Variants in FHIP2B observed in about 807,000 individuals in gnomAD.
The protein encoded by FHIP2B is FHF complex subunit HOOK interacting protein 2B, also known as FHF complex subunit HOOK-interacting protein 2B.
In FHIP2B, 72 loss-of-function variants were observed where a neutral mutation model predicts 84.0. That is an observed-to-expected ratio of 0.86 (90% confidence interval 0.71 to 1.04). The LOEUF (loss-of-function observed/expected upper bound fraction) is 1.04, where lower values mean the gene tolerates loss of function less well. Ranked by LOEUF, FHIP2B falls within the 50% of genes least tolerant of loss-of-function variation. The pLI is 0.00. For synonymous variants in FHIP2B, 497 were observed against 418.7 expected (o/e 1.19, Z -2.28); for missense variants, 972 against 968.9 (o/e 1.00, Z -0.04).
At chr8:22,097,938 G>C (rs1586330760) in intron 5 of FHIP2B, 99 bp downstream of exon 5, 1 of 1,556,884 alleles carries the variant, frequency 6.4e-7, no homozygotes, top group South Asian at 1.2e-5. Context: ...TCAGGTACCC[G>C]GGAGGCACGC....
intron 1 of FHIP2B, among the ~76,000 whole-genome samples, chr8:22,090,597 C>T (rs555456717): frequency 6.6e-6 from 1 of 152,180 alleles, no homozygotes; most frequent in African/African-American, 2.4e-5. Context: ...CCAGACAGTT[C>T]CTCAGTCCTG....
At chr8:22,093,248 G>C (rs62493996) in intron 1 of FHIP2B, among the ~76,000 whole-genome samples, 8,990 of 152,330 alleles carry the variant, frequency 0.059, 349 homozygotes, top group Middle Eastern at 0.12. Flanking sequence ...ATGCACAGCT[G>C]TGGGGAGGGA....
rs778140703 is a variant in FHIP2B at position 22,100,575 on chromosome 8, G to C, written c.1342-19G>C. 4 of 1,520,138 alleles carry C rather than the reference G, an allele frequency of 2.6e-6. No homozygotes were observed. The African/African-American group carries it at 4.2e-5, about 16-fold the overall frequency. The allele number at this position is 1,520,138 out of a possible 1,614,324, so 94.2% of individuals were successfully genotyped here. ...TGGGTGGGGAAGGGGCTATCCTGCC[G>C]ACCCCCTTCCTGCTCCAGATCAGCA... is the stretch of plus-strand genomic sequence containing the variant. On this transcript the variant is annotated intron_variant, in intron 10 of 16. Transcript: ENST00000289921.
chr8:22,092,349 G>A (rs1164593404), intron 1 of FHIP2B, among the ~76,000 whole-genome samples: 1 of 152,228 alleles, frequency 6.6e-6, no homozygotes, highest in African/African-American at 2.4e-5. Context: ...GGAGGCCCAG[G>A]TGGGCGGACC....
At position 22,099,757 on chromosome 8, in the gene FHIP2B, A is replaced by G; in HGVS notation, c.1205A>G (p.Gln402Arg). 1 of 1,608,016 alleles carries G rather than the reference A, an allele frequency of 6.2e-7. No individual in the cohort carries two copies. Among genetic ancestry groups the G allele is most frequent in the Non-Finnish European group, 8.5e-7 (1 of 1,178,708 alleles). Reference sequence around the variant, plus strand: ...GCCCTCCTCACAGCCATGCTGCGCCAGCTTCGCTCCCCTGCGCTGCTGCGG... The same window carrying G: ...GCCCTCCTCACAGCCATGCTGCGCCGGCTTCGCTCCCCTGCGCTGCTGCGG... ...STALLTAMLR[Q>R]LRSPALLREA... The change falls in exon 10 of 17, where the codon CAG (glutamine) becomes CGG (arginine). Residue 402 changes from glutamine (Q) to arginine (R), a missense_variant. By Grantham distance (43) the Gln-to-Arg change is conservative. Transcript: ENST00000289921.
chr8:22,099,651 C>G (rs1050033862), intron 9 of FHIP2B, 53 bp from the exon 10 acceptor site: 3 of 1,514,102 alleles, frequency 2.0e-6, no homozygotes, highest in Non-Finnish European at 2.6e-6. Context: ...GCCACCCGCA[C>G]TCATGTGCTG....
At chr8:22,093,008 G>T (rs1025455194) in intron 1 of FHIP2B, among the ~76,000 whole-genome samples, 2 of 152,158 alleles carry the variant, frequency 1.3e-5, no homozygotes, top group African/African-American at 4.8e-5. Context: ...ATAGTGTCTT[G>T]TACATAGTGG....
chr8:22,096,293 G>A, intron 2 of FHIP2B, 44 bp from the exon 3 acceptor site: 1 of 1,463,652 alleles, frequency 6.8e-7, no homozygotes, highest in South Asian at 1.4e-5. Flanking sequence ...AAGCCGGGGT[G>A]CCCCTCTTTA....
chr8:22,097,880 A>C, intron 5 of FHIP2B, 41 bp downstream of exon 5: 1 of 1,599,724 alleles, frequency 6.3e-7, no homozygotes. Flanking sequence ...AGGGCCCAGA[A>C]CCCCAGGGCA....
intron 1 of FHIP2B, chr8:22,089,943 C>A: frequency 1.1e-6 from 1 of 903,250 alleles, no homozygotes; most frequent in Non-Finnish European, 1.5e-6. Flanking sequence ...TGTGACCCCT[C>A]ACAAGCCAAA....
At position 22,096,799 on chromosome 8, in the gene FHIP2B, A is replaced by G. The variant is rs376596416; in HGVS notation, c.297+290A>G. The G allele has an allele frequency of 5.1e-5, 16 of 313,514 alleles. No homozygotes were observed. In the East Asian group the frequency reaches 7.4e-4, roughly 15 times the overall value. The allele number at this position is 313,514 out of a possible 1,614,324, so 19.4% of individuals were successfully genotyped here. A position where few individuals can be genotyped will look rare whatever the true frequency, so the allele number is the denominator to read the frequency against. ...CTCACTTAGAACACTCCACCATCCC[A>G]GCGCTCCTGTTCCCAGTTCACTCCA... On this transcript the variant is annotated intron_variant, in intron 3 of 16. Coordinates refer to ENST00000289921, the MANE Select transcript of FHIP2B (RefSeq NM_022749.7).
rs780699373 is a variant in FHIP2B, at chr8:22,100,664, T to C, written c.1412T>C (p.Leu471Pro). 1 of 1,607,068 alleles carries C rather than the reference T, an allele frequency of 6.2e-7. No homozygotes were observed. The highest frequency in any genetic ancestry group is 2.2e-5 in the East Asian group (1 of 44,800). ...QKPHEGIIHS[L>P]VLRNLEGRPY... The stretch of plus-strand genomic sequence containing the variant: ...CCCCACGAGGGGATCATCCACAGCC[T>C]GGTCCTGCGCAACCTTGAGGGCCGC... The change falls in exon 11 of 17, where the codon CTG becomes CCG. Residue 471 changes from leucine to proline, a missense_variant. By Grantham distance (98) the Leu-to-Pro change is moderately conservative. Transcript: ENST00000289921.
At chr8:22,090,579 G>A (rs1177805027) in intron 1 of FHIP2B, among the ~76,000 whole-genome samples, 1 of 152,192 alleles carries the variant, frequency 6.6e-6, no homozygotes, top group Non-Finnish European at 1.5e-5. Context: ...TACAGGAGGT[G>A]AGACAGGCCA....
Position 22,097,436 on chromosome 8 carries a change from C to G in FHIP2B, c.298-80C>G, listed in dbSNP as rs573646668. 32 of 1,217,766 alleles carry G rather than the reference C, an allele frequency of 2.6e-5. No individual in the cohort carries two copies. The African/African-American group carries it at 4.3e-4, about 16-fold the overall frequency. 75.4% of individuals were successfully genotyped at this position (1,217,766 alleles called of 1,614,324 possible). A position where few individuals can be genotyped will look rare whatever the true frequency, so the allele number is the denominator to read the frequency against. On this transcript the variant is annotated intron_variant, in intron 3 of 16. Coordinates refer to ENST00000289921, the MANE Select transcript of FHIP2B (RefSeq NM_022749.7). ...AGGGGACACGGCTCTGACAGGCGCT[C>G]TGTCCCTGGCCTCAGTACCCGCCAG...
intron 1 of FHIP2B, 23 bp downstream of exon 1, chr8:22,089,321 G>A: frequency 3.0e-6 from 3 of 1,004,640 alleles, no homozygotes; most frequent in Non-Finnish European, 3.6e-6. Flanking sequence ...GGGCCGGGCC[G>A]GGCCGCCGGG....
chr8:22,097,777 T>A lies in FHIP2B; in HGVS notation c.463T>A (p.Phe155Ile). ...CGTTACAGAAAAGGAGGAGGTGCAGTTCACCACCGTCCTCTGCTCCAAGAT... is the reference window on the plus strand; with the variant it reads ...CGTTACAGAAAAGGAGGAGGTGCAGATCACCACCGTCCTCTGCTCCAAGAT... The part of the protein sequence containing the change: ...GSVTEKEEVQ[F>I]TTVLCSKIQQ... The change falls in exon 5 of 17, where the codon TTC becomes ATC. Residue 155 changes from phenylalanine (F) to isoleucine (I), a missense_variant. Coordinates refer to ENST00000289921, the MANE Select transcript of FHIP2B (RefSeq NM_022749.7). The A allele has an allele frequency of 6.2e-7, 1 of 1,613,536 alleles. No homozygotes were observed. The highest frequency in any genetic ancestry group is 8.5e-7 in the Non-Finnish European group (1 of 1,179,828).
Position 22,098,393 on chromosome 8 carries a change from T to C in FHIP2B, c.769-30T>C, listed in dbSNP as rs753648239. ...GGGGTGATTTGGGGGCTCACATGCA[T>C]GTCCCTGAAGTTGTATCCTCATCCC... On this transcript the variant is annotated intron_variant, in intron 6 of 16. Transcript: ENST00000289921. 5.1e-6 allele frequency: 8 copies of C among 1,557,176 alleles called. No individual in the cohort carries two copies. The Admixed American group carries it at 7.4e-5, about 14-fold the overall frequency.
At chr8:22,089,766 T>G (rs1277245969) in intron 1 of FHIP2B, 2 of 1,284,406 alleles carry the variant, frequency 1.6e-6, no homozygotes, top group East Asian at 1.1e-4. Flanking sequence ...CCCAGACAAC[T>G]CCAGGACCTT....
intron 13 of FHIP2B, 65 bp from the exon 14 acceptor site, chr8:22,101,643 G>A (rs1227369844): frequency 1.3e-5 from 21 of 1,562,070 alleles, no homozygotes; most frequent in Middle Eastern, 1.7e-4. Flanking sequence ...TCCCTCCTGC[G>A]TGGGGCCCTG....
Sources: allele counts gnomAD v4.1 joint callset (sites outside exome capture counted in the v4.1 genomes callset), GRCh38; gene constraint gnomAD v4.1.1; transcripts MANE v1.5; gene names NCBI Gene and HGNC (gene_info 2026-07-23, HGNC 2026-07-21).